The following TMEM72 variants were observed in gnomAD, a reference collection of about 807,000 sequenced individuals.
TMEM72 encodes the protein kidney-specific secretory protein of 37 kDa.
TMEM72 carries 9 observed loss-of-function variants against 16.3 expected under a neutral mutation model. That is an observed-to-expected ratio of 0.55 (90% confidence interval 0.33 to 0.96). The LOEUF (loss-of-function observed/expected upper bound fraction) is 0.96. Among genes scored for constraint, TMEM72 ranks in the 40% least tolerant of loss-of-function variants. TMEM72 has a pLI of 0.03. For synonymous variants in TMEM72, 160 were observed against 146.5 expected (o/e 1.09, Z -0.66); for missense variants, 324 against 337.8 (o/e 0.96, Z 0.32).
chr10:44,911,351 C>T lies in TMEM72; in HGVS notation c.-162C>T, dbSNP rs900946672. ...GCACAGAAGGTGAGCCCTATTCACACCTCGGCCAGGCTGCGGTGGCCAGGA... is the reference window on the plus strand; with the variant it reads ...GCACAGAAGGTGAGCCCTATTCACATCTCGGCCAGGCTGCGGTGGCCAGGA... On this transcript the variant is annotated 5_prime_UTR_variant, in exon 1 of 5. Transcript: ENST00000389583. 4.5e-6 allele frequency: 3 copies of T among 665,346 alleles called. No individual in the cohort carries two copies. The East Asian group carries it at 8.3e-5, about 18-fold the overall frequency. 41.2% of individuals were successfully genotyped at this position (665,346 alleles called of 1,614,324 possible). A position where few individuals can be genotyped will look rare whatever the true frequency, so the allele number is the denominator to read the frequency against.
intron 2 of TMEM72, among the ~76,000 whole-genome samples, chr10:44,931,495 T>C (rs973037358): frequency 1.1e-4 from 16 of 152,108 alleles, no homozygotes; most frequent in Non-Finnish European, 2.4e-4. Flanking sequence ...GTGGAACTGG[T>C]GCAGGGGTCC....
At chr10:44,926,067 T>A (rs1171274612) in intron 1 of TMEM72, among the ~76,000 whole-genome samples, 1 of 148,098 alleles carries the variant, frequency 6.8e-6, no homozygotes, top group African/African-American at 2.5e-5. Context: ...ATAATCACAC[T>A]CACATTCACA....
chr10:44,921,733 G>A (rs1387510326), intron 1 of TMEM72, among the ~76,000 whole-genome samples: 1 of 152,186 alleles, frequency 6.6e-6, no homozygotes, highest in Non-Finnish European at 1.5e-5. Flanking sequence ...TGAGAAGTAT[G>A]GAAGGCCAGA....
rs543922809 is a variant in TMEM72 at position 44,918,300 on chromosome 10, A to C, written c.70+6718A>C. Among the ~76,000 whole-genome samples the C allele has an allele frequency of 1.4e-4, 21 of 152,288 alleles. No individual in the cohort carries two copies. The East Asian group carries it at 4.0e-3, about 29-fold the overall frequency. The stretch of plus-strand genomic sequence containing the variant: ...GGAGATGCTATTCTACGTGGGAGAC[A>C]CTATCCTCAGTAGTGCCAATGAACC... On this transcript the variant is annotated intron_variant, in intron 1 of 4. Coordinates refer to ENST00000389583, the MANE Select transcript of TMEM72 (RefSeq NM_001123376.3).
Position 44,934,685 on chromosome 10 carries a change from T to C in TMEM72, c.379T>C (p.Tyr127His), listed in dbSNP as rs751515967. 13 of 1,602,874 alleles carry C rather than the reference T, an allele frequency of 8.1e-6. No individual in the cohort carries two copies. The highest frequency in any genetic ancestry group is 1.1e-5 in the Non-Finnish European group (13 of 1,175,116). ...GSMLIITGLA[Y>H]FLLSKRKKRK... ...CATGCTCATCATCACCGGCCTGGCC[T>C]ACTTCCTTCTGAGCAAGCGGAAGAA... is the stretch of plus-strand genomic sequence containing the variant. Residue 127 changes from tyrosine to histidine, a missense_variant, in exon 5 of 5, where the codon TAC becomes CAC. Transcript: ENST00000389583.
chr10:44,925,708 T>A (rs1472138896), intron 1 of TMEM72, among the ~76,000 whole-genome samples: 1 of 152,198 alleles, frequency 6.6e-6, no homozygotes, highest in Admixed American at 6.5e-5. Context: ...GGTTGGTTGG[T>A]TGGTTTGACT....
At chr10:44,921,540 T>C (rs984640190) in intron 1 of TMEM72, among the ~76,000 whole-genome samples, 1 of 152,216 alleles carries the variant, frequency 6.6e-6, no homozygotes, top group African/African-American at 2.4e-5. Context: ...TTTGTCTCCA[T>C]TGATTGGCTC....
intron 1 of TMEM72, among the ~76,000 whole-genome samples, chr10:44,916,534 G>T (rs1564432710): frequency 1.3e-5 from 2 of 152,172 alleles, no homozygotes; most frequent in South Asian, 4.1e-4. Context: ...TTCTGAAGCA[G>T]CCATCTTGGG....
At chr10:44,914,202 A>T (rs1460840803) in intron 1 of TMEM72, among the ~76,000 whole-genome samples, 1 of 152,226 alleles carries the variant, frequency 6.6e-6, no homozygotes, top group Non-Finnish European at 1.5e-5. Context: ...CTCAGTGTCC[A>T]GCCCCATATC....
chr10:44,931,509 G>C (rs1219627029), intron 2 of TMEM72, among the ~76,000 whole-genome samples: 1 of 152,224 alleles, frequency 6.6e-6, no homozygotes, highest in Non-Finnish European at 1.5e-5. Flanking sequence ...GGGGTCCAGG[G>C]GGCAGGGCCT....
chr10:44,933,744 A>C lies in TMEM72; in HGVS notation c.317A>C (p.His106Pro), dbSNP rs762942763. 6.2e-7 allele frequency: 1 copy of C among 1,613,488 alleles called. No homozygotes were observed. Residue 106 changes from histidine (H) to proline (P), a missense_variant, in exon 4 of 5, where the codon CAC becomes CCC. By Grantham distance (77) the His-to-Pro change is moderately conservative (BLOSUM62 -2). Coordinates refer to ENST00000389583, the MANE Select transcript of TMEM72 (RefSeq NM_001123376.3). ...CTGCTGTCGGTGGCCTGCTTCCTCCACCCGGTCCTGGTCTGGCACGTGACC... is the reference window on the plus strand; with the variant it reads ...CTGCTGTCGGTGGCCTGCTTCCTCCCCCCGGTCCTGGTCTGGCACGTGACC... ...YLLLSVACFL[H>P]PVLVWHVTIP...
chr10:44,919,302 T>G (rs898719660), intron 1 of TMEM72, among the ~76,000 whole-genome samples: 1 of 152,088 alleles, frequency 6.6e-6, no homozygotes, highest in Non-Finnish European at 1.5e-5. Flanking sequence ...TTCTAGCCAG[T>G]GCAAGAAACA....
At chr10:44,913,656 A>G (rs1376152369) in intron 1 of TMEM72, among the ~76,000 whole-genome samples, 4 of 152,180 alleles carry the variant, frequency 2.6e-5, no homozygotes, top group Admixed American at 2.0e-4. Context: ...CGGGCTTTCT[A>G]GAGTGCTGGG....
intron 3 of TMEM72, among the ~76,000 whole-genome samples, chr10:44,933,067 G>A (rs1054604502): frequency 1.6e-4 from 25 of 152,272 alleles, no homozygotes; most frequent in Non-Finnish European, 2.9e-5. Context: ...GTGAAACATG[G>A]AGGCAGCGCC....
rs113908579 is a variant in TMEM72 at position 44,932,112 on chromosome 10, C to T, written c.209+43C>T. On this transcript the variant is annotated intron_variant, in intron 3 of 4. Coordinates refer to ENST00000389583, the MANE Select transcript of TMEM72 (RefSeq NM_001123376.3). ...AGACCCCTCCATTGTCCACCCCAGC[C>T]CCAGACACCACAGATGTCTCCACCC... The T allele has an allele frequency of 5.6e-4, 896 of 1,591,510 alleles. 2 individuals are homozygous for T. Among genetic ancestry groups the T allele is most frequent in the South Asian group, 6.3e-4 (56 of 88,536 alleles).
At chr10:44,912,563 T>C (rs7904676) in intron 1 of TMEM72, among the ~76,000 whole-genome samples, 129,744 of 152,228 alleles carry the variant, frequency 0.85, 55,904 homozygotes, top group Middle Eastern at 0.93. Flanking sequence ...TGCCCCAGCC[T>C]AGTCACTTGC....
At chr10:44,933,531 A>C in intron 3 of TMEM72, 106 bp from the exon 4 acceptor site, 1 of 1,437,880 alleles carries the variant, frequency 7.0e-7, no homozygotes, top group South Asian at 1.4e-5. Context: ...GCCAGGGCCC[A>C]CTGCAGAGCA....
chr10:44,928,373 C>T (rs1393730784), intron 2 of TMEM72, among the ~76,000 whole-genome samples: 2 of 151,848 alleles, frequency 1.3e-5, no homozygotes, highest in East Asian at 3.9e-4. Context: ...CATCTACCCA[C>T]CCACCTCTTC....
chr10:44,933,601 G>C (rs375146622), intron 3 of TMEM72, 36 bp from the exon 4 acceptor site: 1 of 1,591,260 alleles, frequency 6.3e-7, no homozygotes, highest in African/African-American at 1.3e-5. Context: ...GGTTTTCCTG[G>C]GACACATTAT....
Sources: gnomAD v4.1 joint callset for allele counts (sites outside exome capture counted in the v4.1 genomes callset) on GRCh38, gnomAD v4.1.1 for gene constraint, MANE v1.5 for transcripts, NCBI Gene and HGNC (gene_info 2026-07-23, HGNC 2026-07-21) for gene names.